Variants in KDM4C observed in about 807,000 individuals in gnomAD.
KDM4C encodes the protein lysine demethylase 4C, also known as lysine-specific demethylase 4C.
Under a neutral mutation model 129.3 loss-of-function variants are expected in KDM4C, and 81 were observed. That is an observed-to-expected ratio of 0.63 (90% CI 0.52 to 0.75). KDM4C has a LOEUF of 0.75. Among genes scored for constraint, KDM4C ranks in the 30% least tolerant of loss-of-function variants. The pLI, the probability that KDM4C is intolerant of heterozygous loss-of-function variation, is 0.00. For synonymous variants in KDM4C, 573 were observed against 456.1 expected, an observed-to-expected ratio of 1.26 and a Z score of -3.26; for missense variants, 1,457 against 1,304.0, an observed-to-expected ratio of 1.12 and a Z score of -1.81.
intron 19 of KDM4C, among the ~76,000 whole-genome samples, chr9:7,153,448 C>A (rs997981353): frequency 7.9e-5 from 12 of 152,128 alleles, no homozygotes; most frequent in African/African-American, 2.9e-4. Context: ...GAGCGCACAT[C>A]CTTACACTGG....
chr9:6,998,301 G>A (rs561810576), intron 12 of KDM4C, among the ~76,000 whole-genome samples: 12 of 152,286 alleles, frequency 7.9e-5, no homozygotes, highest in Admixed American at 7.8e-4. Context: ...TAAATATACA[G>A]ACAGAAGAGG....
At chr9:7,154,304 C>G (rs1325115579) in intron 19 of KDM4C, among the ~76,000 whole-genome samples, 4 of 152,190 alleles carry the variant, frequency 2.6e-5, no homozygotes, top group African/African-American at 9.7e-5. Context: ...GCATTTCGCC[C>G]CAGGTCACCT....
intron 4 of KDM4C, among the ~76,000 whole-genome samples, chr9:6,825,774 C>A (rs920361436): frequency 6.6e-6 from 1 of 152,086 alleles, no homozygotes; most frequent in East Asian, 1.9e-4. Context: ...AAATTTAAAA[C>A]AGTTTGAAAA....
intron 4 of KDM4C, among the ~76,000 whole-genome samples, chr9:6,826,127 A>G (rs1050027954): frequency 8.5e-5 from 13 of 152,072 alleles, no homozygotes; most frequent in African/African-American, 2.7e-4. Context: ...GAGAATCTTA[A>G]TACAAAAAAA....
intron 17 of KDM4C, among the ~76,000 whole-genome samples, chr9:7,090,372 C>T (rs1277995237): frequency 6.6e-6 from 1 of 152,120 alleles, no homozygotes; most frequent in Non-Finnish European, 1.5e-5. Context: ...AGCTTGTTAT[C>T]AGCAGGGAGG....
chr9:7,019,610 A>C (rs950485644), intron 15 of KDM4C, among the ~76,000 whole-genome samples: 16 of 150,326 alleles, frequency 1.1e-4, no homozygotes, highest in African/African-American at 3.4e-4. Flanking sequence ...CCTCGTGTTC[A>C]TTTTTTATGA....
At chr9:7,000,616 A>T (rs1820558246) in intron 12 of KDM4C, among the ~76,000 whole-genome samples, 1 of 152,208 alleles carries the variant, frequency 6.6e-6, no homozygotes, top group South Asian at 2.1e-4. Flanking sequence ...TTAGAAAAAT[A>T]ATGATTGTAT....
intron 17 of KDM4C, among the ~76,000 whole-genome samples, chr9:7,088,855 A>G (rs980248111): frequency 2.2e-5 from 3 of 139,222 alleles, no homozygotes; most frequent in Middle Eastern, 3.2e-3. Context: ...AAAGAAAAAG[A>G]AAAAAAAAAG....
At chr9:6,856,546 G>GTA (rs1485498059) in intron 5 of KDM4C, among the ~76,000 whole-genome samples, 1 of 132,164 alleles carries the variant, frequency 7.6e-6, no homozygotes, top group Non-Finnish European at 1.6e-5. Context: ...GTGCGTGTGT[G>GTA]TGTGTGTGTG....
At chr9:6,931,626 G>A (rs1443610622) in intron 8 of KDM4C, among the ~76,000 whole-genome samples, 1 of 152,036 alleles carries the variant, frequency 6.6e-6, no homozygotes, top group Non-Finnish European at 1.5e-5. Flanking sequence ...TCAGCCTCCT[G>A]AGTAGCTGGG....
intron 18 of KDM4C, among the ~76,000 whole-genome samples, chr9:7,126,616 GTATTTATGCACA>G: frequency 6.6e-6 from 1 of 152,278 alleles, no homozygotes; most frequent in Middle Eastern, 3.4e-3. Flanking sequence ...ACGCATGTGT[GTATTTATGCACA>G]TATATGTGCA....
At position 7,174,479 on chromosome 9, in the gene KDM4C, G is replaced by A. The variant is rs1277098330; in HGVS notation, c.2995-74G>A. 1.9e-5 allele frequency: 27 copies of A among 1,435,128 alleles called. No individual in the cohort carries two copies. In the South Asian group the frequency reaches 2.2e-4, roughly 12 times the overall value. 88.9% of individuals were successfully genotyped at this position (1,435,128 alleles called of 1,614,324 possible). On this transcript the variant is annotated intron_variant, in intron 21 of 21. Transcript: ENST00000381309. Reference sequence around the variant, plus strand: ...ATCTGCACCCTAACCCCAGCTGACCGAGTCAGATCTTTGTCCAGTGTTCTG... The same window carrying A: ...ATCTGCACCCTAACCCCAGCTGACCAAGTCAGATCTTTGTCCAGTGTTCTG...
chr9:7,133,430 A>G (rs997382232), intron 19 of KDM4C, among the ~76,000 whole-genome samples: 1 of 152,078 alleles, frequency 6.6e-6, no homozygotes, highest in African/African-American at 2.4e-5. Context: ...AGTTCCCTAC[A>G]TTTATGCTTG....
chr9:6,807,224 A>T (rs1162415164), intron 3 of KDM4C, among the ~76,000 whole-genome samples: 2 of 152,076 alleles, frequency 1.3e-5, no homozygotes, highest in Non-Finnish European at 2.9e-5. Context: ...CAGTGGCGTG[A>T]TCTCGGCTCA....
At chr9:7,073,302 C>T (rs1419399868) in intron 17 of KDM4C, among the ~76,000 whole-genome samples, 2 of 152,116 alleles carry the variant, frequency 1.3e-5, no homozygotes, top group Admixed American at 6.6e-5. Flanking sequence ...TTTCTCATTG[C>T]AGATTAAATG....
At position 6,994,511 on chromosome 9, in the gene KDM4C, G is replaced by T. The variant is rs577630692; in HGVS notation, c.1786+3987G>T. ...ACTGTGGTTTGTTATTTGTCTGTCC[G>T]TGTATCTGTCTCCCCACTCTCATTC... On this transcript the variant is annotated intron_variant, in intron 12 of 21. Transcript: ENST00000381309. 9.9e-5 allele frequency among the ~76,000 whole-genome samples: 15 copies of T among 152,124 alleles called. No individual in the cohort carries two copies. In the South Asian group the frequency reaches 2.5e-3, roughly 25 times the overall value.
intron 8 of KDM4C, among the ~76,000 whole-genome samples, chr9:6,927,278 T>C (rs1822807052): frequency 6.6e-6 from 1 of 152,110 alleles, no homozygotes; most frequent in Non-Finnish European, 1.5e-5. Context: ...TACAGGCGCA[T>C]GCCACCAAGC....
rs73639827 is a variant in KDM4C, at chr9:7,148,696, G to C, written c.2782-16542G>C. ...GATTATGTGGACAATTGGAGGGTGAGCAAGACAGAGAAAGGCTTTATTGGA... is the reference window on the plus strand; with the variant it reads ...GATTATGTGGACAATTGGAGGGTGACCAAGACAGAGAAAGGCTTTATTGGA... On this transcript the variant is annotated intron_variant, in intron 19 of 21. Coordinates refer to ENST00000381309, the MANE Select transcript of KDM4C (RefSeq NM_015061.6). Among the ~76,000 whole-genome samples the C allele has an allele frequency of 6.1e-3, 926 of 152,326 alleles. 8 individuals carry two copies. Among genetic ancestry groups the C allele is most frequent in the African/African-American group, 0.021 (891 of 41,558 alleles).
chr9:6,810,207 C>T (rs1366550055), intron 3 of KDM4C, among the ~76,000 whole-genome samples: 3 of 152,242 alleles, frequency 2.0e-5, no homozygotes, highest in East Asian at 3.9e-4. Context: ...TTACTGAGTA[C>T]ACATTTTATA....
Sources: gnomAD v4.1 joint callset for allele counts (sites outside exome capture counted in the v4.1 genomes callset) on GRCh38, gnomAD v4.1.1 for gene constraint, MANE v1.5 for transcripts, NCBI Gene and HGNC (gene_info 2026-07-23, HGNC 2026-07-21) for gene names.